The following BRAF variants were observed in gnomAD, a reference collection of about 807,000 sequenced individuals.
BRAF encodes serine/threonine-protein kinase B-raf.
In BRAF, 16 loss-of-function variants were observed where a neutral mutation model predicts 104.6. That is an observed-to-expected ratio of 0.15 (90% CI 0.10 to 0.23). The LOEUF (loss-of-function observed/expected upper bound fraction) is 0.23, where lower values mean the gene tolerates loss of function less well. Ranked by LOEUF, BRAF falls within the 10% of genes least tolerant of loss-of-function variation. The pLI, the probability that BRAF is intolerant of heterozygous loss-of-function variation, is 1.00. For synonymous variants in BRAF, 310 were observed against 341.6 expected, an observed-to-expected ratio of 0.91 and a Z score of 1.02; for missense variants, 541 against 937.3, an observed-to-expected ratio of 0.58 and a Z score of 5.52.
intron 2 of BRAF, among the ~76,000 whole-genome samples, chr7:140,839,044 A>ATT (rs543155660): frequency 6.8e-6 from 1 of 148,104 alleles, no homozygotes. Context: ...CAGTCAATTG[A>ATT]TTTTTTTTTT....
At chr7:140,913,051 C>G (rs1274089784) in intron 1 of BRAF, among the ~76,000 whole-genome samples, 1 of 152,010 alleles carries the variant, frequency 6.6e-6, no homozygotes, top group Non-Finnish European at 1.5e-5. Flanking sequence ...ATCTGAAATG[C>G]CTCCTCCTCC....
chr7:140,884,412 T>C (rs539777373), intron 1 of BRAF, among the ~76,000 whole-genome samples: 2 of 147,650 alleles, frequency 1.4e-5, no homozygotes, highest in Non-Finnish European at 3.0e-5. Flanking sequence ...TCAGGATCTC[T>C]TATATATATA....
intron 14 of BRAF, among the ~76,000 whole-genome samples, chr7:140,762,606 T>A (rs892600331): frequency 2.2e-5 from 3 of 139,168 alleles, no homozygotes; most frequent in African/African-American, 8.0e-5. Flanking sequence ...AGGAGCTGTT[T>A]TTTTTTTTTT....
intron 3 of BRAF, chr7:140,822,536 G>C: frequency 6.6e-6 from 1 of 152,170 alleles, no homozygotes. Context: ...ATTTTAAAAC[G>C]TGTAATCATT....
At position 140,722,500 on chromosome 7, in the gene BRAF, G is replaced by C; in HGVS notation, c.*3994C>G. 1 of 1,056,344 alleles carries C rather than the reference G, an allele frequency of 9.5e-7. No individual in the cohort carries two copies. 65.4% of individuals were successfully genotyped at this position (1,056,344 alleles called of 1,614,324 possible). ...CCTCACCTACACCATTTCAACTCAT[G>C]ACCTGTAAGCTATTTGCTGTTCATA... is the stretch of plus-strand genomic sequence containing the variant. On this transcript the variant is annotated 3_prime_UTR_variant, in exon 20 of 20. Coordinates refer to ENST00000644969, the MANE Select transcript of BRAF (RefSeq NM_001374258.1).
At position 140,725,620 on chromosome 7, in the gene BRAF, C is replaced by T. The variant is rs774093151; in HGVS notation, c.*874G>A. 2.0e-5 allele frequency: 21 copies of T among 1,058,122 alleles called. No homozygotes were observed. Among genetic ancestry groups the T allele is most frequent in the African/African-American group, 1.7e-4 (10 of 60,504 alleles). The allele number at this position is 1,058,122 out of a possible 1,614,324, so 65.5% of individuals were successfully genotyped here. On this transcript the variant is annotated 3_prime_UTR_variant, in exon 20 of 20. Transcript: ENST00000644969. The stretch of plus-strand genomic sequence containing the variant: ...CATTTTGTGCCCTGGACAAAGTAGC[C>T]GCATAAGTAGTTGGTGACTGGAAGA...
At chr7:140,874,489 C>T (rs745679551) in intron 1 of BRAF, among the ~76,000 whole-genome samples, 12 of 146,892 alleles carry the variant, frequency 8.2e-5, no homozygotes, top group African/African-American at 2.3e-4. Context: ...CGTGAGCCAC[C>T]GCGACTGGCC....
At chr7:140,768,096 C>G (rs1799501008) in intron 14 of BRAF, among the ~76,000 whole-genome samples, 1 of 152,032 alleles carries the variant, frequency 6.6e-6, no homozygotes, top group Non-Finnish European at 1.5e-5. Context: ...AGCAAGAAAC[C>G]ATTGTGTATA....
In BRAF at chr7:140,750,788, C is replaced by CA. The variant is rs1378382902; in HGVS notation, c.1981-1371_1981-1370insT. ...AGAGATGGAGTAGAAATCAGATGAA[C>CA]TTTTTTTTTTTAATTTAGTTTTATC... is the stretch of plus-strand genomic sequence containing the variant. On this transcript the variant is annotated intron_variant, in intron 16 of 19. Transcript: ENST00000644969. Among the ~76,000 whole-genome samples, 4 of 149,286 alleles carry CA rather than the reference C, an allele frequency of 2.7e-5. No homozygotes were observed. The East Asian group carries it at 7.8e-4, about 29-fold the overall frequency.
chr7:140,770,368 C>T (rs781137907), intron 14 of BRAF, among the ~76,000 whole-genome samples: 21 of 152,016 alleles, frequency 1.4e-4, no homozygotes, highest in Non-Finnish European at 2.9e-5. Context: ...AAGGATTTAT[C>T]TCCAAATTAT....
chr7:140,738,836 G>A (rs1323415715), intron 18 of BRAF, among the ~76,000 whole-genome samples: 1 of 151,946 alleles, frequency 6.6e-6, no homozygotes, highest in East Asian at 1.9e-4. Context: ...GGCTGGTCTC[G>A]AACTCCTGAC....
At chr7:140,766,317 A>C (rs1799316047) in intron 14 of BRAF, among the ~76,000 whole-genome samples, 1 of 152,176 alleles carries the variant, frequency 6.6e-6, no homozygotes, top group Admixed American at 6.5e-5. Context: ...GAGGGATAGC[A>C]TTAGAAGATA....
intron 6 of BRAF, 65 bp from the exon 7 acceptor site, chr7:140,800,546 A>G: frequency 2.5e-6 from 4 of 1,610,794 alleles, no homozygotes; most frequent in Non-Finnish European, 3.4e-6. Flanking sequence ...ACCAAAATAC[A>G]TAGTTAACCA....
intron 1 of BRAF, among the ~76,000 whole-genome samples, chr7:140,886,985 A>G (rs1218767238): frequency 6.6e-6 from 1 of 152,202 alleles, no homozygotes. Flanking sequence ...ATCCCATTAA[A>G]AGCATGCTAC....
At position 140,746,886 on chromosome 7, in the gene BRAF, C is replaced by G. The variant is rs143987720; in HGVS notation, c.2112+2401G>C. On this transcript the variant is annotated intron_variant, in intron 17 of 19. Transcript: ENST00000644969. ...AAGATACCCAGAGAGGTAGGTAGAC[C>G]TAGTCTACCTACCTGAGTCCAAGGC... 3.7e-3 allele frequency among the ~76,000 whole-genome samples: 562 copies of G among 151,678 alleles called. 4 individuals carry two copies. The highest frequency in any genetic ancestry group is 6.8e-3 in the Middle Eastern group (2 of 294).
intron 2 of BRAF, among the ~76,000 whole-genome samples, chr7:140,839,979 A>G (rs1207896975): frequency 6.6e-6 from 1 of 152,180 alleles, no homozygotes; most frequent in African/African-American, 2.4e-5. Flanking sequence ...CCTGAGAAAG[A>G]AGGCACCGAA....
rs1374033827 is a variant in BRAF, at chr7:140,756,622, A to G, written c.1815-2389T>C. Among the ~76,000 whole-genome samples the G allele has an allele frequency of 3.3e-5, 5 of 152,178 alleles. No individual in the cohort carries two copies. The East Asian group carries it at 9.6e-4, about 29-fold the overall frequency. On this transcript the variant is annotated intron_variant, in intron 14 of 19. Coordinates refer to ENST00000644969, the MANE Select transcript of BRAF (RefSeq NM_001374258.1). ...GGAGTAGGGAAGGGAACAAGAATAT[A>G]TCAACTTTACTTTGCCATATATGAC...
chr7:140,890,883 GATT>G (rs1440034440), intron 1 of BRAF, among the ~76,000 whole-genome samples: 1 of 152,184 alleles, frequency 6.6e-6, no homozygotes, highest in Non-Finnish European at 1.5e-5. Flanking sequence ...AATTGCACAA[GATT>G]ATTAATGCAG....
In BRAF at chr7:140,799,238, A is replaced by AAT. The variant is rs1393786351; in HGVS notation, c.980+1122_980+1123dup. On this transcript the variant is annotated intron_variant, in intron 7 of 19. Coordinates refer to ENST00000644969, the MANE Select transcript of BRAF (RefSeq NM_001374258.1). ...TCATTTTTTTCTTTTACGCTTTATG[A>AAT]ATATCTATCCCTTTTCCATACTTCT... The AAT allele has an allele frequency of 3.0e-5, 7 of 230,176 alleles. No homozygotes were observed. In the Admixed American group the frequency reaches 4.0e-4, roughly 13 times the overall value. 14.3% of individuals were successfully genotyped at this position (230,176 alleles called of 1,614,324 possible).
Sources: gnomAD v4.1 joint callset for allele counts (sites outside exome capture counted in the v4.1 genomes callset) on GRCh38, gnomAD v4.1.1 for gene constraint, MANE v1.5 for transcripts, NCBI Gene and HGNC (gene_info 2026-07-23, HGNC 2026-07-21) for gene names.